NTRK3: variants seen among roughly 807,000 people sequenced by gnomAD.
The protein encoded by NTRK3 is neurotrophic receptor tyrosine kinase 3, also known as NT-3 growth factor receptor.
NTRK3 carries 24 observed loss-of-function variants against 91.7 expected under a neutral mutation model. The ratio of observed to expected loss-of-function variants is 0.26; its 90% confidence interval spans 0.19 to 0.37. The LOEUF is 0.37. Among genes scored for constraint, NTRK3 ranks in the 10% least tolerant of loss-of-function variants. The pLI, the probability that NTRK3 is intolerant of heterozygous loss-of-function variation, is 1.00. For missense variants in NTRK3, 880 were observed against 1,068.9 expected (o/e 0.82, Z 2.46); for synonymous variants, 483 against 404.0 (o/e 1.20, Z -2.34).
intron 3 of NTRK3, among the ~76,000 whole-genome samples, chr15:88,232,030 C>A (rs1322490928): frequency 1.3e-5 from 2 of 152,170 alleles, no homozygotes; most frequent in East Asian, 3.9e-4. Flanking sequence ...ACATTCAAGA[C>A]CCTCCCCGAG....
At chr15:88,198,126 G>A (rs2047988843) in intron 3 of NTRK3, among the ~76,000 whole-genome samples, 3 of 152,118 alleles carry the variant, frequency 2.0e-5, no homozygotes, top group Admixed American at 1.3e-4. Context: ...AGCAATCCTC[G>A]GGTTGGGCAG....
chr15:88,193,435 A>C (rs1229280583), intron 3 of NTRK3, among the ~76,000 whole-genome samples: 1 of 152,134 alleles, frequency 6.6e-6, no homozygotes, highest in Non-Finnish European at 1.5e-5. Context: ...CAGGGTCAGC[A>C]GTGGGGAAGT....
chr15:88,008,202 C>T (rs932791311), intron 14 of NTRK3, among the ~76,000 whole-genome samples: 1 of 152,122 alleles, frequency 6.6e-6, no homozygotes, highest in Non-Finnish European at 1.5e-5. Context: ...TAGAGCATAA[C>T]AGGGTTGGCT....
At chr15:88,217,180 T>A (rs1350426541) in intron 3 of NTRK3, among the ~76,000 whole-genome samples, 2 of 152,164 alleles carry the variant, frequency 1.3e-5, no homozygotes, top group African/African-American at 4.8e-5. Context: ...GTACAACCAC[T>A]AAGGAAAACA....
chr15:87,911,543 G>A (rs187887836), intron 17 of NTRK3, among the ~76,000 whole-genome samples: 1 of 152,312 alleles, frequency 6.6e-6, no homozygotes, highest in East Asian at 1.9e-4. Context: ...GTAACTTCCT[G>A]CAGCACTGTG....
At chr15:87,883,528 A>T (rs1054076020) in intron 17 of NTRK3, among the ~76,000 whole-genome samples, 11 of 151,270 alleles carry the variant, frequency 7.3e-5, no homozygotes, top group Non-Finnish European at 1.3e-4. Flanking sequence ...ATAAATGAAG[A>T]TACACTTTAA....
At chr15:88,223,604 C>T (rs2050424565) in intron 3 of NTRK3, among the ~76,000 whole-genome samples, 1 of 152,216 alleles carries the variant, frequency 6.6e-6, no homozygotes, top group African/African-American at 2.4e-5. Flanking sequence ...CTGTCCAATG[C>T]AACGCCACCA....
At chr15:87,894,847 G>A (rs2066030333) in intron 17 of NTRK3, among the ~76,000 whole-genome samples, 1 of 152,074 alleles carries the variant, frequency 6.6e-6, no homozygotes, top group African/African-American at 2.4e-5. Context: ...TCTCCTCACT[G>A]TCTAAGACTA....
chr15:88,001,400 G>A (rs981338897), intron 14 of NTRK3, among the ~76,000 whole-genome samples: 1 of 152,014 alleles, frequency 6.6e-6, no homozygotes, highest in East Asian at 1.9e-4. Context: ...TCATATATAA[G>A]AAATCATTAC....
intron 14 of NTRK3, among the ~76,000 whole-genome samples, chr15:87,991,493 C>A (rs1205098419): frequency 3.3e-5 from 5 of 152,146 alleles, no homozygotes; most frequent in Admixed American, 3.3e-4. Flanking sequence ...CCTTTATCTC[C>A]AGCACAAACT....
chr15:87,967,439 C>A (rs1029790484), intron 14 of NTRK3, among the ~76,000 whole-genome samples: 1 of 152,146 alleles, frequency 6.6e-6, no homozygotes, highest in Admixed American at 6.5e-5. Context: ...GAAGGAGGTG[C>A]CAGAGTGTCT....
At chr15:88,021,227 G>A (rs2077566257) in intron 14 of NTRK3, among the ~76,000 whole-genome samples, 1 of 152,208 alleles carries the variant, frequency 6.6e-6, no homozygotes. Flanking sequence ...CCCACGGAAT[G>A]CAGCTACGTC....
In NTRK3 at chr15:88,238,505, C is replaced by A. The variant is rs145868895; in HGVS notation, c.248+17401G>T. On this transcript the variant is annotated intron_variant, in intron 3 of 18. Transcript: ENST00000394480. ...GGTAAAGTTAAGAGCCCTGTACATACCCTTCTTTTCCTCTCTCCCTCTCTC... is the reference window on the plus strand; with the variant it reads ...GGTAAAGTTAAGAGCCCTGTACATAACCTTCTTTTCCTCTCTCCCTCTCTC... Among the ~76,000 whole-genome samples the A allele has an allele frequency of 7.9e-5, 12 of 152,216 alleles. No homozygotes were observed. In the East Asian group the frequency reaches 1.9e-3, roughly 25 times the overall value.
chr15:87,949,668 C>G (rs1002415965), intron 14 of NTRK3, among the ~76,000 whole-genome samples: 1 of 152,110 alleles, frequency 6.6e-6, no homozygotes. Context: ...GCTCAGACAC[C>G]AACCAACACC....
intron 17 of NTRK3, among the ~76,000 whole-genome samples, chr15:87,883,965 T>A (rs2065391780): frequency 7.9e-6 from 1 of 126,432 alleles, no homozygotes; most frequent in African/African-American, 2.9e-5. Context: ...AAAATATAAT[T>A]AAATTAATAA....
chr15:88,091,702 C>A (rs963261581), intron 13 of NTRK3, among the ~76,000 whole-genome samples: 2 of 152,156 alleles, frequency 1.3e-5, no homozygotes, highest in Non-Finnish European at 2.9e-5. Flanking sequence ...TGATGTCTGC[C>A]ATGGACACAA....
chr15:88,025,105 G>C (rs1200635701), intron 14 of NTRK3, among the ~76,000 whole-genome samples: 1 of 152,216 alleles, frequency 6.6e-6, no homozygotes, highest in African/African-American at 2.4e-5. Context: ...AGGACAGTGT[G>C]CATCCACAAG....
intron 11 of NTRK3, among the ~76,000 whole-genome samples, chr15:88,127,819 C>T (rs769769794): frequency 5.9e-5 from 9 of 152,112 alleles, no homozygotes; most frequent in Non-Finnish European, 7.4e-5. Flanking sequence ...ACCATCTGAC[C>T]GGGAAACACC....
intron 17 of NTRK3, among the ~76,000 whole-genome samples, chr15:87,883,410 T>C (rs538856309): frequency 6.9e-4 from 103 of 149,000 alleles, no homozygotes; most frequent in Non-Finnish European, 1.2e-3. Context: ...TGTGTGTATA[T>C]ATATATATAA....
Sources: allele counts gnomAD v4.1 joint callset (sites outside exome capture counted in the v4.1 genomes callset), GRCh38; gene constraint gnomAD v4.1.1; transcripts MANE v1.5; gene names NCBI Gene and HGNC (gene_info 2026-07-23, HGNC 2026-07-21).